The following RMDN1 variants were observed in gnomAD, a reference collection of about 807,000 sequenced individuals.
RMDN1 encodes regulator of microtubule dynamics 1.
Under a neutral mutation model 48.9 loss-of-function variants are expected in RMDN1, and 48 were observed. That is an observed-to-expected ratio of 0.98 (90% CI 0.78 to 1.25). The LOEUF is 1.25. Ranked by LOEUF, RMDN1 falls within the 50% of genes most tolerant of loss-of-function variation. The pLI, the probability that RMDN1 is intolerant of heterozygous loss-of-function variation, is 0.00. For synonymous variants in RMDN1, 148 were observed against 132.6 expected (o/e 1.12, Z -0.80); for missense variants, 418 against 373.4 (o/e 1.12, Z -0.98).
intron 5 of RMDN1, chr8:86,482,993 G>C: frequency 1.5e-6 from 1 of 675,338 alleles, no homozygotes; most frequent in South Asian, 1.7e-5. Flanking sequence ...CCCTCGATGA[G>C]CAGTGGCATC....
chr8:86,474,949 ATCCACTGCACATAAGAAAG>A lies in RMDN1; in HGVS notation c.761-15_764del, dbSNP rs1813118276. 1.2e-6 allele frequency: 2 copies of A among 1,603,882 alleles called. No individual in the cohort carries two copies. The highest frequency in any genetic ancestry group is 2.7e-5 in the African/African-American group (2 of 74,232). ...GTAAGTTTTTGCTGTAGAAGTTTGG[ATCCACTGCACATAAGAAAG>A]AAAAAATGATCTCAGAGGAAACAGT... On this transcript the variant is annotated splice_acceptor_variant and splice_polypyrimidine_tract_variant and coding_sequence_variant and intron_variant, in exon 9 of 10. Transcript: ENST00000406452. LOFTEE classifies it high-confidence loss of function.
downstream of RMDN1, chr8:86,468,322 A>G (rs1316308636): frequency 4.6e-6 from 2 of 433,608 alleles, no homozygotes; most frequent in Admixed American, 5.6e-5. Context: ...TCTCCATTTT[A>G]TTCAGAATTC....
chr8:86,498,180 A>G (rs1248895496), intron 2 of RMDN1, among the ~76,000 whole-genome samples: 1 of 152,154 alleles, frequency 6.6e-6, no homozygotes, highest in Non-Finnish European at 1.5e-5. Flanking sequence ...AAATTCCTAG[A>G]AACATCCCAA....
rs139171047 is a variant in RMDN1, at chr8:86,493,344, T to C, written c.248-4705A>G. Among the ~76,000 whole-genome samples, 20 of 152,244 alleles carry C rather than the reference T, an allele frequency of 1.3e-4. No individual in the cohort carries two copies. In the East Asian group the frequency reaches 3.9e-3, roughly 29 times the overall value. On this transcript the variant is annotated intron_variant, in intron 2 of 9. Coordinates refer to ENST00000406452, the MANE Select transcript of RMDN1 (RefSeq NM_016033.3). The stretch of plus-strand genomic sequence containing the variant: ...GGATGTATATCCAAAGGAACTGAAA[T>C]CAGTATGTCAAAGAGATATTTGTAC...
At chr8:86,495,652 C>G (rs1190384504) in intron 2 of RMDN1, among the ~76,000 whole-genome samples, 1 of 152,142 alleles carries the variant, frequency 6.6e-6, no homozygotes, top group Non-Finnish European at 1.5e-5. Context: ...ACAGCCTCAG[C>G]TGTCCTGGTG....
At chr8:86,500,986 C>T (rs181011501) in intron 2 of RMDN1, among the ~76,000 whole-genome samples, 1 of 152,174 alleles carries the variant, frequency 6.6e-6, no homozygotes, top group African/African-American at 2.4e-5. Context: ...GTTAACTGGG[C>T]ACTAAACACT....
intron 5 of RMDN1, among the ~76,000 whole-genome samples, chr8:86,481,303 T>C (rs991090927): frequency 2.0e-5 from 3 of 152,318 alleles, no homozygotes; most frequent in East Asian, 1.9e-4. Flanking sequence ...GGAAAAGTCA[T>C]GTACTTAACT....
At position 86,473,504 on chromosome 8, in the gene RMDN1, G is replaced by A. The variant is rs1363395655; in HGVS notation, c.*804C>T. ...AAACTGGCCAGGTGCGGTGGCTCAC[G>A]CCTGTAATCCCAGCAATTTGGGAGG... On this transcript the variant is annotated 3_prime_UTR_variant, in exon 10 of 10. Coordinates refer to ENST00000406452, the MANE Select transcript of RMDN1 (RefSeq NM_016033.3). 5.1e-5 allele frequency: 50 copies of A among 980,096 alleles called. No individual in the cohort carries two copies. Among genetic ancestry groups the A allele is most frequent in the Middle Eastern group, 5.2e-4 (1 of 1,914 alleles). The allele number at this position is 980,096 out of a possible 1,614,324, so 60.7% of individuals were successfully genotyped here.
At chr8:86,513,760 T>C (rs1011966992) in intron 1 of RMDN1, among the ~76,000 whole-genome samples, 1 of 152,214 alleles carries the variant, frequency 6.6e-6, no homozygotes, top group African/African-American at 2.4e-5. Flanking sequence ...TCCTTGGTAG[T>C]GTGCACATTA....
intron 5 of RMDN1, 137 bp downstream of exon 5, chr8:86,484,735 A>AAT: frequency 2.1e-6 from 1 of 465,976 alleles, no homozygotes; most frequent in Non-Finnish European, 3.8e-6. Context: ...AAAAAAAAAA[A>AAT]GAAATAACAA....
intron 2 of RMDN1, chr8:86,504,461 CA>C: frequency 6.4e-7 from 1 of 1,557,986 alleles, no homozygotes; most frequent in South Asian, 1.1e-5. Flanking sequence ...TATTACTCAA[CA>C]GGAATCTTCA....
chr8:86,492,879 A>G (rs1372253291), intron 2 of RMDN1, among the ~76,000 whole-genome samples: 14 of 151,918 alleles, frequency 9.2e-5, no homozygotes, highest in Non-Finnish European at 1.5e-5. Flanking sequence ...ACTTCAGAAT[A>G]TAACTTAGTT....
At position 86,479,024 on chromosome 8, in the gene RMDN1, A is replaced by G. The variant is rs1813874936; in HGVS notation, c.642-14T>C. The G allele has an allele frequency of 6.3e-7, 1 of 1,580,122 alleles. No homozygotes were observed. The highest frequency in any genetic ancestry group is 1.3e-5 in the African/African-American group (1 of 74,228). ...AATGTATAGCACCTACAGGGAAATA[A>G]AACAATTTTATACATTCAAATTGTA... On this transcript the variant is annotated splice_polypyrimidine_tract_variant and intron_variant, in intron 6 of 9. Transcript: ENST00000406452.
chr8:86,508,921 G>T (rs751901070), upstream of RMDN1: 1 of 558,092 alleles, frequency 1.8e-6, no homozygotes, highest in Non-Finnish European at 2.5e-6. Flanking sequence ...TCTCTAGGGG[G>T]TCTTTCATGG....
At position 86,473,594 on chromosome 8, in the gene RMDN1, C is replaced by A; in HGVS notation, c.*714G>T. 1 of 434,450 alleles carries A rather than the reference C, an allele frequency of 2.3e-6. No homozygotes were observed. The highest frequency in any genetic ancestry group is 3.1e-6 in the Non-Finnish European group (1 of 326,746). 26.9% of individuals were successfully genotyped at this position (434,450 alleles called of 1,614,324 possible). A position where few individuals can be genotyped will look rare whatever the true frequency, so the allele number is the denominator to read the frequency against. The stretch of plus-strand genomic sequence containing the variant: ...CAGCCTAGCCAACATGGCAAAACCC[C>A]ATCTCTACCAAAAATACAAAAGTTA... On this transcript the variant is annotated 3_prime_UTR_variant, in exon 10 of 10. Transcript: ENST00000406452.
intron 5 of RMDN1, among the ~76,000 whole-genome samples, chr8:86,481,326 G>T (rs1814381500): frequency 1.3e-5 from 2 of 151,966 alleles, no homozygotes; most frequent in South Asian, 4.1e-4. Context: ...TAAGGTTGTG[G>T]TAAAAAATAA....
intron 2 of RMDN1, among the ~76,000 whole-genome samples, chr8:86,493,083 A>T (rs1816779543): frequency 6.6e-6 from 1 of 152,010 alleles, no homozygotes; most frequent in Admixed American, 6.6e-5. Context: ...ATTTTTATAG[A>T]AACATATGGA....
Position 86,472,522 on chromosome 8 carries a change from C to A in RMDN1, c.*1786G>T. On this transcript the variant is annotated 3_prime_UTR_variant, in exon 10 of 10. Transcript: ENST00000406452. Reference sequence around the variant, plus strand: ...CAGTATACAATAACCTTTTAAAATACAGCATCATTAAGTGGGAAACTGAAA... The same window carrying A: ...CAGTATACAATAACCTTTTAAAATAAAGCATCATTAAGTGGGAAACTGAAA... 1.4e-6 allele frequency: 1 copy of A among 699,356 alleles called. No individual in the cohort carries two copies. The highest frequency in any genetic ancestry group is 2.6e-6 in the Non-Finnish European group (1 of 384,246). The allele number at this position is 699,356 out of a possible 1,614,324, so 43.3% of individuals were successfully genotyped here. A position where few individuals can be genotyped will look rare whatever the true frequency, so the allele number is the denominator to read the frequency against.
At chr8:86,496,307 T>G (rs952102809) in intron 2 of RMDN1, among the ~76,000 whole-genome samples, 2 of 152,216 alleles carry the variant, frequency 1.3e-5, no homozygotes, top group African/African-American at 4.8e-5. Flanking sequence ...AGTATGGACC[T>G]TGAATGTATA....
Sources: allele counts gnomAD v4.1 joint callset (sites outside exome capture counted in the v4.1 genomes callset), GRCh38; gene constraint gnomAD v4.1.1; transcripts MANE v1.5; gene names NCBI Gene and HGNC (gene_info 2026-07-23, HGNC 2026-07-21).